The following PRTG variants were observed in gnomAD, a reference collection of about 807,000 sequenced individuals.
The protein encoded by PRTG is immunoglobulin superfamily, DCC subclass, member 5.
A neutral mutation model predicts 122.5 loss-of-function variants in PRTG; 67 were observed. The ratio of observed to expected loss-of-function variants is 0.55; its 90% CI spans 0.45 to 0.67. The LOEUF (loss-of-function observed/expected upper bound fraction) is 0.67. Ranked by LOEUF, PRTG falls within the 30% of genes least tolerant of loss-of-function variation. The probability of loss-of-function intolerance (pLI) is 0.00; values close to 1 mark genes in which losing one functional copy is unlikely to be tolerated. For missense variants in PRTG, 1,435 were observed against 1,415.4 expected (o/e 1.01, Z -0.22); for synonymous variants, 554 against 501.1 (o/e 1.11, Z -1.41).
intron 3 of PRTG, among the ~76,000 whole-genome samples, chr15:55,683,133 T>C (rs770295427): frequency 2.0e-4 from 31 of 152,106 alleles, no homozygotes; most frequent in African/African-American, 3.9e-4. Context: ...TTCAAATTCC[T>C]GATTTTTTAC....
chr15:55,742,737 G>A (rs868803381), intron 1 of PRTG, 101 bp downstream of exon 1: 14 of 1,425,984 alleles, frequency 9.8e-6, no homozygotes, highest in Middle Eastern at 2.4e-4. Context: ...GGAGGACCCC[G>A]CCGCGCGCTC....
chr15:55,621,212 C>T (rs1159785472), intron 18 of PRTG, among the ~76,000 whole-genome samples: 3 of 151,872 alleles, frequency 2.0e-5, no homozygotes, highest in Admixed American at 1.3e-4. Flanking sequence ...ATTAGCCAGG[C>T]GTGGTGGCAG....
At chr15:55,741,294 G>A (rs2031598502) in intron 1 of PRTG, among the ~76,000 whole-genome samples, 1 of 152,192 alleles carries the variant, frequency 6.6e-6, no homozygotes, top group African/African-American at 2.4e-5. Context: ...GTATTTAAAA[G>A]ACAAACAATA....
In PRTG at chr15:55,612,360, T is replaced by G. The variant is rs550214477; in HGVS notation, c.*7652A>C. 86 of 152,058 alleles carry G rather than the reference T, an allele frequency of 5.7e-4. No homozygotes were observed. The highest frequency in any genetic ancestry group is 2.0e-3 in the African/African-American group (84 of 41,488). The allele number at this position is 152,058 out of a possible 1,614,324, so 9.4% of individuals were successfully genotyped here. A position where few individuals can be genotyped will look rare whatever the true frequency, so the allele number is the denominator to read the frequency against. On this transcript the variant is annotated 3_prime_UTR_variant, in exon 20 of 20. Transcript: ENST00000389286. ...AAGTCAAGACTATGTCTATATACCATGAACTACTTACAAGCTATGAACTTA... is the reference window on the plus strand; with the variant it reads ...AAGTCAAGACTATGTCTATATACCAGGAACTACTTACAAGCTATGAACTTA...
intron 2 of PRTG, among the ~76,000 whole-genome samples, chr15:55,703,563 T>A (rs940533080): frequency 2.6e-5 from 4 of 151,990 alleles, no homozygotes; most frequent in African/African-American, 9.7e-5. Flanking sequence ...ACAAGGAAAA[T>A]CATACACCTC....
At chr15:55,671,439 A>G (rs2059470802) in intron 11 of PRTG, among the ~76,000 whole-genome samples, 1 of 152,242 alleles carries the variant, frequency 6.6e-6, no homozygotes, top group African/African-American at 2.4e-5. Flanking sequence ...AGCTAAGTGT[A>G]CATTTTATAC....
In PRTG at chr15:55,619,823, G is replaced by A. The variant is rs958955014; in HGVS notation, c.*189C>T. ...TTTGGTTCCCTGTTCATTGTCCTTCGAACAGATTTAATGGTGAGAATACCT... is the reference window on the plus strand; with the variant it reads ...TTTGGTTCCCTGTTCATTGTCCTTCAAACAGATTTAATGGTGAGAATACCT... On this transcript the variant is annotated 3_prime_UTR_variant, in exon 20 of 20. Coordinates refer to ENST00000389286, the MANE Select transcript of PRTG (RefSeq NM_173814.6). 1.1e-5 allele frequency: 10 copies of A among 924,480 alleles called. No homozygotes were observed. The highest frequency in any genetic ancestry group is 1.4e-5 in the Non-Finnish European group (9 of 640,008). 57.3% of individuals were successfully genotyped at this position (924,480 alleles called of 1,614,324 possible).
chr15:55,619,977 C>T lies in PRTG; in HGVS notation c.*35G>A, dbSNP rs376920021. ...GCAGGGTCTTCACACTTCCTCAATG[C>T]GGAATCTCCACCTGAATCACTGCCA... On this transcript the variant is annotated 3_prime_UTR_variant, in exon 20 of 20. Transcript: ENST00000389286. 60 of 1,609,898 alleles carry T rather than the reference C, an allele frequency of 3.7e-5. No homozygotes were observed. Among genetic ancestry groups the T allele is most frequent in the Non-Finnish European group, 4.6e-5 (54 of 1,177,868 alleles).
intron 8 of PRTG, 146 bp from the exon 9 acceptor site, chr15:55,675,829 G>C (rs1338079420): frequency 1.0e-5 from 5 of 488,356 alleles, no homozygotes; most frequent in Non-Finnish European, 1.4e-5. Context: ...GAACAGGAAG[G>C]TCTTTATTTT....
intron 11 of PRTG, among the ~76,000 whole-genome samples, chr15:55,659,779 C>T (rs1050903718): frequency 5.9e-5 from 9 of 151,912 alleles, no homozygotes; most frequent in African/African-American, 2.2e-4. Flanking sequence ...ATTAGCTGGG[C>T]GTAGTGGTGC....
At position 55,629,373 on chromosome 15, in the gene PRTG, ATATGTGTGTGTGTGTGTG is replaced by A. The variant is rs1208061223; in HGVS notation, c.2624-387_2624-370del. On this transcript the variant is annotated intron_variant, in intron 15 of 19. Coordinates refer to ENST00000389286, the MANE Select transcript of PRTG (RefSeq NM_173814.6). ...TGTTTGGCTTTGTATATATATATAT[ATATGTGTGTGTGTGTGTG>A]TGTGTGTGTGTGTGTGTGTGTGTGT... Among the ~76,000 whole-genome samples, 154 of 54,366 alleles carry A rather than the reference ATATGTGTGTGTGTGTGTG, an allele frequency of 2.8e-3. 2 individuals are homozygous for A. The highest frequency in any genetic ancestry group is 9.8e-3 in the African/African-American group (133 of 13,610). 35.7% of individuals were successfully genotyped at this position (54,366 alleles called of 152,430 possible). A position where few individuals can be genotyped will look rare whatever the true frequency, so the allele number is the denominator to read the frequency against.
chr15:55,682,809 C>T (rs191645264), intron 3 of PRTG, among the ~76,000 whole-genome samples: 54 of 152,094 alleles, frequency 3.6e-4, no homozygotes, highest in African/African-American at 1.2e-3. Context: ...GTGATCTGCC[C>T]GCCTCGGCCT....
At position 55,615,845 on chromosome 15, in the gene PRTG, T is replaced by G. The variant is rs1037921886; in HGVS notation, c.*4167A>C. ...GGGTATTCTTGCATTAAAAAATAAATGATATTTTCAATTCCAAATTCTTGT... is the reference window on the plus strand; with the variant it reads ...GGGTATTCTTGCATTAAAAAATAAAGGATATTTTCAATTCCAAATTCTTGT... On this transcript the variant is annotated 3_prime_UTR_variant, in exon 20 of 20. Transcript: ENST00000389286. The G allele has an allele frequency of 1.3e-5, 2 of 152,078 alleles. No individual in the cohort carries two copies. The highest frequency in any genetic ancestry group is 2.9e-5 in the Non-Finnish European group (2 of 67,974). The allele number at this position is 152,078 out of a possible 1,614,324, so 9.4% of individuals were successfully genotyped here.
In PRTG at chr15:55,640,027, C is replaced by T. The variant is rs567004937; in HGVS notation, c.2138-199G>A. On this transcript the variant is annotated intron_variant, in intron 12 of 19. Coordinates refer to ENST00000389286, the MANE Select transcript of PRTG (RefSeq NM_173814.6). ...AGTTATATAAGAAGTCAAAAACAGT[C>T]ATGCATCACTAAAGAACAGGCATAC... 17 of 843,658 alleles carry T rather than the reference C, an allele frequency of 2.0e-5. No individual in the cohort carries two copies. The African/African-American group carries it at 2.4e-4, about 12-fold the overall frequency. The allele number at this position is 843,658 out of a possible 1,614,324, so 52.3% of individuals were successfully genotyped here.
In PRTG at chr15:55,680,145, G is replaced by C. The variant is rs2059529213; in HGVS notation, c.882C>G (p.Val294=). Reference sequence around the variant, plus strand: ...CATATACTCCAGCATGTTGTAGCCTGACATCAGATATCATGAGATTACCAT... The same window carrying C: ...CATATACTCCAGCATGTTGTAGCCTCACATCAGATATCATGAGATTACCAT... ...LGNGNLMISD[V]RLQHAGVYVC... The change falls in exon 6 of 20, where the codon GTC becomes GTG. Residue 294 remains valine (V), a synonymous_variant. Transcript: ENST00000389286. 6.2e-7 allele frequency: 1 copy of C among 1,612,270 alleles called. No individual in the cohort carries two copies. The highest frequency in any genetic ancestry group is 8.5e-7 in the Non-Finnish European group (1 of 1,178,410).
At chr15:55,731,693 T>A (rs1282530447) in intron 2 of PRTG, among the ~76,000 whole-genome samples, 1 of 152,068 alleles carries the variant, frequency 6.6e-6, no homozygotes, top group Non-Finnish European at 1.5e-5. Context: ...TTAATAGCAA[T>A]CGGTGGGAGT....
chr15:55,742,828 G>A lies in PRTG; in HGVS notation c.94+10C>T, dbSNP rs990571999. The A allele has an allele frequency of 7.8e-6, 12 of 1,541,062 alleles. No homozygotes were observed. Among genetic ancestry groups the A allele is most frequent in the Non-Finnish European group, 1.1e-5 (12 of 1,142,282 alleles). ...CAGCGGTAAGAGAAAGCAGAAGAAA[G>A]CGCGCCCACCTGGCAAAGGACTGAG... On this transcript the variant is annotated intron_variant, in intron 1 of 19. Transcript: ENST00000389286.
chr15:55,693,684 C>G (rs2059617342), intron 2 of PRTG, among the ~76,000 whole-genome samples: 1 of 152,148 alleles, frequency 6.6e-6, no homozygotes, highest in Admixed American at 6.5e-5. Context: ...TCTCAAGCCT[C>G]AGTATCCCTC....
chr15:55,651,784 T>C (rs1168984961), intron 11 of PRTG, among the ~76,000 whole-genome samples: 2 of 152,158 alleles, frequency 1.3e-5, no homozygotes, highest in African/African-American at 4.8e-5. Context: ...AGGTCGGGGT[T>C]AGATAAAATT....
Sources: gnomAD v4.1 joint callset for allele counts (sites outside exome capture counted in the v4.1 genomes callset) on GRCh38, gnomAD v4.1.1 for gene constraint, MANE v1.5 for transcripts, NCBI Gene and HGNC (gene_info 2026-07-23, HGNC 2026-07-21) for gene names.